The following NFAT5 variants were observed in gnomAD, a reference collection of about 807,000 sequenced individuals.
The protein encoded by NFAT5 is nuclear factor of activated T cells 5, also known as nuclear factor of activated T-cells 5.
In NFAT5, 31 loss-of-function variants were observed where a neutral mutation model predicts 166.5. That is an observed-to-expected ratio of 0.19 (90% CI 0.14 to 0.25). The LOEUF is 0.25. Ranked by LOEUF, NFAT5 falls within the 10% of genes least tolerant of loss-of-function variation. The pLI is 1.00. For missense variants in NFAT5, 1,449 were observed against 1,821.8 expected (o/e 0.80, Z 3.72); for synonymous variants, 612 against 639.7 (o/e 0.96, Z 0.65).
At chr16:69,618,576 G>A (rs987110948) in intron 2 of NFAT5, among the ~76,000 whole-genome samples, 47 of 152,284 alleles carry the variant, frequency 3.1e-4, no homozygotes, top group Non-Finnish European at 1.8e-4. Context: ...TAGATGCCAG[G>A]CATTTTGTTT....
Position 69,691,892 on chromosome 16 carries a change from C to T in NFAT5, c.2067C>T (p.Asn689=), listed in dbSNP as rs756703888. 6.2e-7 allele frequency: 1 copy of T among 1,614,176 alleles called. No individual in the cohort carries two copies. The highest frequency in any genetic ancestry group is 1.1e-5 in the South Asian group (1 of 91,086). The change falls in exon 13 of 15, where the codon AAC becomes AAT. Residue 689 remains asparagine (N), a synonymous_variant. Coordinates refer to ENST00000349945, the MANE Select transcript of NFAT5 (RefSeq NM_138713.4). ...KQQQIQPKAY[N]PETLTTIQTQ... ...AGCAGATTCAGCCCAAGGCATACAA[C>T]CCAGAGACCCTGACAACTATTCAAA... is the stretch of plus-strand genomic sequence containing the variant.
intron 6 of NFAT5, among the ~76,000 whole-genome samples, chr16:69,656,152 G>A (rs1176307660): frequency 6.6e-6 from 1 of 151,574 alleles, no homozygotes; most frequent in Non-Finnish European, 1.5e-5. Flanking sequence ...GTGGTGGCAC[G>A]TGCCTGTAAT....
intron 3 of NFAT5, among the ~76,000 whole-genome samples, chr16:69,641,413 T>G (rs1393892703): frequency 1.3e-5 from 2 of 152,092 alleles, no homozygotes; most frequent in Non-Finnish European, 2.9e-5. Flanking sequence ...ATTTTATGGC[T>G]TTTTTTAAAC....
rs1217147536 is a variant in NFAT5 at position 69,648,347 on chromosome 16, AAAC to A, written c.812+764_812+766del. The stretch of plus-strand genomic sequence containing the variant: ...TAATTTTTTTCTCTTTAATTGATGA[AAAC>A]AAGAAAAAACTAAATTGAGAGTTTG... On this transcript the variant is annotated intron_variant, in intron 4 of 14. Transcript: ENST00000349945. 25 of 983,046 alleles carry A rather than the reference AAAC, an allele frequency of 2.5e-5. No homozygotes were observed. The Admixed American group carries it at 3.1e-4, about 12-fold the overall frequency. 60.9% of individuals were successfully genotyped at this position (983,046 alleles called of 1,614,324 possible).
intron 3 of NFAT5, among the ~76,000 whole-genome samples, chr16:69,629,724 C>T (rs2034623013): frequency 6.6e-6 from 1 of 151,472 alleles, no homozygotes; most frequent in Non-Finnish European, 1.5e-5. Flanking sequence ...AAGTGATCCT[C>T]CCACCTCATC....
rs577770230 is a variant in NFAT5, at chr16:69,568,522, A to T, written c.101A>T (p.Asn34Ile). 10 of 1,613,414 alleles carry T rather than the reference A, an allele frequency of 6.2e-6. No individual in the cohort carries two copies. In the East Asian group the frequency reaches 1.6e-4, roughly 25 times the overall value. Residue 34 changes from asparagine to isoleucine, a missense_variant, in exon 2 of 15, where the codon AAT becomes ATT. Physicochemically the swap from Asn to Ile is moderately radical, Grantham distance 149 (BLOSUM62 -3). Transcript: ENST00000349945. Reference protein sequence around the residue: ...RDSLKLHPSQNFHRAGLLEES... With the variant: ...RDSLKLHPSQIFHRAGLLEES... ...TCTCTGAAGTTACACCCATCACAGAATTTTCATAGAGCTGGACTATTGGAA... is the reference window on the plus strand; with the variant it reads ...TCTCTGAAGTTACACCCATCACAGATTTTTCATAGAGCTGGACTATTGGAA...
At chr16:69,596,329 G>A (rs2032787065) in intron 2 of NFAT5, among the ~76,000 whole-genome samples, 1 of 152,024 alleles carries the variant, frequency 6.6e-6, no homozygotes, top group Admixed American at 6.6e-5. Flanking sequence ...CATCTGAGAG[G>A]TATATATTCT....
chr16:69,673,564 A>T (rs2036710313), intron 9 of NFAT5, among the ~76,000 whole-genome samples: 1 of 152,108 alleles, frequency 6.6e-6, no homozygotes, highest in South Asian at 2.1e-4. Flanking sequence ...CTCTACAAAA[A>T]ATTTAAAATA....
At chr16:69,577,973 A>G (rs2016852637) in intron 2 of NFAT5, among the ~76,000 whole-genome samples, 1 of 150,958 alleles carries the variant, frequency 6.6e-6, no homozygotes, top group Non-Finnish European at 1.5e-5. Flanking sequence ...AGCCTGGGTG[A>G]CAGTGAGACC....
chr16:69,581,406 T>C (rs1346196642), intron 2 of NFAT5, among the ~76,000 whole-genome samples: 1 of 152,228 alleles, frequency 6.6e-6, no homozygotes, highest in Non-Finnish European at 1.5e-5. Flanking sequence ...AACATTCATG[T>C]ACAAGTTTTT....
intron 11 of NFAT5, among the ~76,000 whole-genome samples, chr16:69,689,019 A>G (rs2037443428): frequency 6.6e-6 from 1 of 152,210 alleles, no homozygotes. Context: ...CACGCCTATA[A>G]TCCCAGCACT....
chr16:69,691,132 G>T, intron 12 of NFAT5, 44 bp downstream of exon 12: 1 of 1,430,350 alleles, frequency 7.0e-7, no homozygotes, highest in Non-Finnish European at 9.2e-7. Context: ...TATAAAAATT[G>T]CTGTCTTTTA....
chr16:69,569,093 TA>T (rs1400186299), intron 2 of NFAT5, among the ~76,000 whole-genome samples: 1 of 152,128 alleles, frequency 6.6e-6, no homozygotes, highest in Non-Finnish European at 1.5e-5. Context: ...CTGGAAATGT[TA>T]ATAGAGTCTG....
Position 69,693,739 on chromosome 16 carries a change from C to T in NFAT5, c.3914C>T (p.Pro1305Leu), listed in dbSNP as rs764161245. Reference sequence around the variant, plus strand: ...ATGGCGTCTCCAAAGCAACCACCACCAAACATGATATTCAACCCAAATCAA... The same window carrying T: ...ATGGCGTCTCCAAAGCAACCACCACTAAACATGATATTCAACCCAAATCAA... ...ATMASPKQPP[P>L]NMIFNPNQNP... The change falls in exon 13 of 15, where the codon CCA becomes CTA. Residue 1305 changes from proline to leucine, a missense_variant. By Grantham distance (98) the Pro-to-Leu change is moderately conservative (BLOSUM62 -3). Coordinates refer to ENST00000349945, the MANE Select transcript of NFAT5 (RefSeq NM_138713.4). The T allele has an allele frequency of 1.9e-6, 3 of 1,614,220 alleles. No homozygotes were observed. In the South Asian group the frequency reaches 3.3e-5, roughly 18 times the overall value.
intron 2 of NFAT5, among the ~76,000 whole-genome samples, chr16:69,600,831 A>G (rs1009524573): frequency 6.6e-6 from 1 of 150,468 alleles, no homozygotes; most frequent in African/African-American, 2.4e-5. Flanking sequence ...GTACTGGTCC[A>G]CAATTTTGAT....
chr16:69,693,563 A>G lies in NFAT5; in HGVS notation c.3738A>G (p.Gln1246=), dbSNP rs1166313336. ...LPPNPMPQSQ[Q]GTMFQSQHSI... ...CTAATCCAATGCCTCAAAGCCAACA[A>G]GGAACCATGTTCCAGTCACAGCACT... is the stretch of plus-strand genomic sequence containing the variant. Residue 1246 remains glutamine, a synonymous_variant, in exon 13 of 15, where the codon CAA becomes CAG. Transcript: ENST00000349945. 6.2e-7 allele frequency: 1 copy of G among 1,614,182 alleles called. No homozygotes were observed. The highest frequency in any genetic ancestry group is 8.5e-7 in the Non-Finnish European group (1 of 1,180,030).
At chr16:69,586,375 G>C (rs11075729) in intron 2 of NFAT5, among the ~76,000 whole-genome samples, 39 of 151,950 alleles carry the variant, frequency 2.6e-4, no homozygotes, top group African/African-American at 9.2e-4. Context: ...TTCATGAGGC[G>C]TAGACATATT....
In NFAT5 at chr16:69,661,539, T is replaced by TAA. The variant is rs1037382239; in HGVS notation, c.1369+1667_1369+1668dup. On this transcript the variant is annotated intron_variant, in intron 7 of 14. Transcript: ENST00000349945. Reference sequence around the variant, plus strand: ...AGCCTGTATAAGAGACCCAGTCTCTTAAAAAAAAAAAAAAAAAAAAAAAAA... The same window carrying TAA: ...AGCCTGTATAAGAGACCCAGTCTCTTAAAAAAAAAAAAAAAAAAAAAAAAAAA... 6.1e-3 allele frequency among the ~76,000 whole-genome samples: 231 copies of TAA among 37,922 alleles called. 14 individuals are homozygous for TAA. Among genetic ancestry groups the TAA allele is most frequent in the African/African-American group, 0.013 (105 of 8,146 alleles). 24.9% of individuals were successfully genotyped at this position (37,922 alleles called of 152,430 possible).
chr16:69,592,571 G>A (rs1285807802), intron 2 of NFAT5, among the ~76,000 whole-genome samples: 1 of 151,926 alleles, frequency 6.6e-6, no homozygotes, highest in Non-Finnish European at 1.5e-5. Context: ...TGCTTTACAG[G>A]GATTAAGATT....
Sources: gnomAD v4.1 joint callset for allele counts (sites outside exome capture counted in the v4.1 genomes callset) on GRCh38, gnomAD v4.1.1 for gene constraint, MANE v1.5 for transcripts, NCBI Gene and HGNC (gene_info 2026-07-23, HGNC 2026-07-21) for gene names.